Variants in LINGO1 observed in about 807,000 individuals in gnomAD.
LINGO1 encodes the protein leucine rich repeat and Ig domain containing 1.
In LINGO1, 11 loss-of-function variants were observed where a neutral mutation model predicts 37.3. The observed-to-expected ratio is 0.29, with a 90% CI of 0.19 to 0.49. LINGO1 has a LOEUF of 0.49. Ranked by LOEUF, LINGO1 falls within the 20% of genes least tolerant of loss-of-function variation. The pLI is 0.99. For missense variants in LINGO1, 585 were observed against 878.2 expected (o/e 0.67, Z 4.22); for synonymous variants, 387 against 403.0 (o/e 0.96, Z 0.48).
intron 1 of LINGO1, among the ~76,000 whole-genome samples, chr15:77,811,318 CAA>C (rs1393688812): frequency 3.3e-5 from 5 of 152,334 alleles, no homozygotes; most frequent in South Asian, 2.1e-4. Context: ...CCACAGCAAA[CAA>C]GAGAGATAAT....
chr15:77,776,948 G>A (rs1399484290), intron 1 of LINGO1, among the ~76,000 whole-genome samples: 1 of 152,204 alleles, frequency 6.6e-6, no homozygotes, highest in Non-Finnish European at 1.5e-5. Context: ...TCAAAGTCAG[G>A]CAGGCTAGAC....
At position 77,614,708 on chromosome 15, in the gene LINGO1, T is replaced by A; in HGVS notation, c.1199A>T (p.Glu400Val). Residue 400 changes from glutamate to valine, a missense_variant, in exon 2 of 2, where the codon GAG (glutamate) becomes GTG (valine). Around this residue, in one of 4 missense-constraint regions of LINGO1, gnomAD observed 484 missense variants for 735.0 expected, o/e 0.66. Coordinates refer to ENST00000355300, the MANE Select transcript of LINGO1 (RefSeq NM_032808.7). The stretch of plus-strand genomic sequence containing the variant: ...CTTGAACTCCTTGCCCTGGACAAAC[T>A]CGGGCGTGGCGCACGTGGGCTGCTG... ...NRQQPTCATP[E>V]FVQGKEFKDF... 6.2e-7 allele frequency: 1 copy of A among 1,609,534 alleles called. No individual in the cohort carries two copies. The highest frequency in any genetic ancestry group is 8.5e-7 in the Non-Finnish European group (1 of 1,177,992).
At chr15:77,801,762 G>C (rs898577458) in intron 1 of LINGO1, among the ~76,000 whole-genome samples, 3 of 152,118 alleles carry the variant, frequency 2.0e-5, no homozygotes, top group Non-Finnish European at 4.4e-5. Context: ...TCTAGGACCA[G>C]TTTGAGAAGC....
intron 3 of LINGO1, among the ~76,000 whole-genome samples, chr15:77,672,825 C>T (rs1379621199): frequency 6.6e-6 from 1 of 152,196 alleles, no homozygotes; most frequent in African/African-American, 2.4e-5. Context: ...TCTTCCCACA[C>T]TGAAGGTAAC....
upstream of LINGO1, among the ~76,000 whole-genome samples, chr15:77,699,308 T>G (rs76336815): frequency 2.0e-4 from 1 of 4,906 alleles, no homozygotes; most frequent in Non-Finnish European, 4.0e-4. Flanking sequence ...CCGTCATCCC[T>G]ACACACAGTA....
intron 2 of LINGO1, among the ~76,000 whole-genome samples, chr15:77,685,961 C>T (rs2075502718): frequency 1.3e-5 from 2 of 152,192 alleles, no homozygotes; most frequent in Admixed American, 6.5e-5. Context: ...TCCCTACTGT[C>T]CTGGGGCCTG....
intron 1 of LINGO1, among the ~76,000 whole-genome samples, chr15:77,777,953 A>AAGGAAGGG (rs1270246522): frequency 3.5e-5 from 5 of 143,486 alleles, no homozygotes; most frequent in Non-Finnish European, 6.1e-5. Context: ...GGAAGGAATG[A>AAGGAAGGG]AGGAAGGGAG....
intron 2 of LINGO1, among the ~76,000 whole-genome samples, chr15:77,725,421 A>T (rs1429691453): frequency 1.3e-5 from 2 of 152,178 alleles, no homozygotes; most frequent in Admixed American, 1.3e-4. Flanking sequence ...CTCTAGGCAC[A>T]GTGGCGTTGC....
Position 77,614,921 on chromosome 15 carries a change from T to A in LINGO1, c.986A>T (p.Tyr329Phe). 6.2e-7 allele frequency: 1 copy of A among 1,613,742 alleles called. No individual in the cohort carries two copies. ...VGGQLAVVEP[Y>F]AFRGLNYLRV... Reference sequence around the variant, plus strand: ...CAGGTAGTTGAGGCCGCGGAAGGCATAGGGCTCCACCACGGCCAGCTGCCC... The same window carrying A: ...CAGGTAGTTGAGGCCGCGGAAGGCAAAGGGCTCCACCACGGCCAGCTGCCC... The change falls in exon 2 of 2, where the codon TAT becomes TTT. Residue 329 changes from tyrosine (Y) to phenylalanine (F), a missense_variant. Physicochemically the swap from Tyr to Phe is conservative, Grantham distance 22 (BLOSUM62 3). This residue lies in a region of LINGO1 where 484 missense variants were observed against 735.0 expected (regional missense o/e 0.66). Transcript: ENST00000355300.
At chr15:77,812,320 C>T (rs1008097608) in intron 1 of LINGO1, among the ~76,000 whole-genome samples, 1 of 152,208 alleles carries the variant, frequency 6.6e-6, no homozygotes, top group Admixed American at 6.5e-5. Context: ...ATACCCCTAC[C>T]GGTGGAGCAG....
Position 77,613,924 on chromosome 15 carries a change from A to C in LINGO1, c.*120T>G. 1.2e-6 allele frequency: 1 copy of C among 830,494 alleles called. No individual in the cohort carries two copies. Among genetic ancestry groups the C allele is most frequent in the Non-Finnish European group, 1.8e-6 (1 of 544,920 alleles). The allele number at this position is 830,494 out of a possible 1,614,324, so 51.4% of individuals were successfully genotyped here. ...GCAGCAGGGGACGGAGGCGGGAGGG[A>C]GAAAGAGAACGTGTGTAGAAGGGTA... On this transcript the variant is annotated 3_prime_UTR_variant, in exon 2 of 2. Transcript: ENST00000355300.
chr15:77,786,220 T>C (rs2076769209), intron 1 of LINGO1, among the ~76,000 whole-genome samples: 1 of 151,874 alleles, frequency 6.6e-6, no homozygotes, highest in Admixed American at 6.6e-5. Context: ...TCCCAACTGA[T>C]CCTCACCACC....
At chr15:77,723,036 G>A (rs1057343076) in intron 2 of LINGO1, among the ~76,000 whole-genome samples, 4 of 152,170 alleles carry the variant, frequency 2.6e-5, no homozygotes, top group African/African-American at 4.8e-5. Flanking sequence ...TGCAGGCTCC[G>A]TCCCAGCTGT....
At chr15:77,713,050 G>A (rs1381732662) in intron 2 of LINGO1, among the ~76,000 whole-genome samples, 1 of 151,990 alleles carries the variant, frequency 6.6e-6, no homozygotes, top group Admixed American at 6.5e-5. Flanking sequence ...TTGTTTGTTT[G>A]TTTGTTTTTT....
At chr15:77,753,855 C>G (rs569702111) in intron 1 of LINGO1, among the ~76,000 whole-genome samples, 1 of 152,328 alleles carries the variant, frequency 6.6e-6, no homozygotes, top group African/African-American at 2.4e-5. Context: ...CTGGGCATTG[C>G]CACTCACCCA....
chr15:77,774,606 C>T (rs965457138), intron 1 of LINGO1, among the ~76,000 whole-genome samples: 7 of 152,110 alleles, frequency 4.6e-5, no homozygotes, highest in African/African-American at 1.7e-4. Context: ...GTGGCTCAGC[C>T]CACCCACCAC....
At chr15:77,719,421 C>T (rs2141308544) in intron 2 of LINGO1, among the ~76,000 whole-genome samples, 1 of 150,036 alleles carries the variant, frequency 6.7e-6, no homozygotes, top group South Asian at 2.2e-4. Context: ...CCCCCGCCTC[C>T]ACCCTCACAG....
At chr15:77,766,608 C>A (rs530472056) in intron 1 of LINGO1, among the ~76,000 whole-genome samples, 17 of 152,120 alleles carry the variant, frequency 1.1e-4, no homozygotes, top group African/African-American at 2.4e-4. Flanking sequence ...GAAGTGAGTG[C>A]GTTCTCATGA....
intron 1 of LINGO1, among the ~76,000 whole-genome samples, chr15:77,625,378 G>GT (rs1366580883): frequency 3.9e-5 from 6 of 152,282 alleles, no homozygotes; most frequent in Admixed American, 3.3e-4. Flanking sequence ...ACCCATTGAG[G>GT]TAAGTGCTGC....
Sources: gnomAD v4.1 joint callset for allele counts (sites outside exome capture counted in the v4.1 genomes callset) on GRCh38, gnomAD v4.1.1 for gene constraint, gnomAD v4.1.1 regional missense constraint, MANE v1.5 for transcripts, NCBI Gene and HGNC (gene_info 2026-07-23, HGNC 2026-07-21) for gene names.